Variants in GMDS observed in about 807,000 individuals in gnomAD.
GMDS encodes the protein GDP-mannose 4,6-dehydratase.
GMDS carries 20 observed loss-of-function variants against 49.9 expected under a neutral mutation model. The ratio of observed to expected loss-of-function variants is 0.40; its 90% CI spans 0.28 to 0.58. The LOEUF (loss-of-function observed/expected upper bound fraction) is 0.58, where lower values mean the gene tolerates loss of function less well. Among genes scored for constraint, GMDS ranks in the 20% least tolerant of loss-of-function variants. GMDS has a pLI of 0.42. For missense variants in GMDS, 362 were observed against 481.4 expected, an observed-to-expected ratio of 0.75 and a Z score of 2.32; for synonymous variants, 177 against 178.6, an observed-to-expected ratio of 0.99 and a Z score of 0.07.
rs1771049332 is a variant in GMDS at position 1,825,034 on chromosome 6, CCAGA to C, written c.772-82452_772-82449del. Among the ~76,000 whole-genome samples, 9 of 152,144 alleles carry C rather than the reference CCAGA, an allele frequency of 5.9e-5. 1 individual carries two copies. The highest frequency in any genetic ancestry group is 5.9e-4 in the Admixed American group (9 of 15,272). On this transcript the variant is annotated intron_variant, in intron 7 of 10. Coordinates refer to ENST00000380815, the MANE Select transcript of GMDS (RefSeq NM_001500.4). The stretch of plus-strand genomic sequence containing the variant: ...TTTTCTGAAGTCACTCTCTCTTGGG[CCAGA>C]ATTTACTGGAGGTCAAGGAGGCAAA...
intron 1 of GMDS, among the ~76,000 whole-genome samples, chr6:2,208,120 C>T (rs1779888291): frequency 6.6e-6 from 1 of 152,012 alleles, no homozygotes; most frequent in African/African-American, 2.4e-5. Context: ...CAACACACAT[C>T]ATGTAAGAGA....
chr6:1,867,422 C>T (rs1452070074), intron 7 of GMDS, among the ~76,000 whole-genome samples: 1 of 152,206 alleles, frequency 6.6e-6, no homozygotes, highest in Non-Finnish European at 1.5e-5. Flanking sequence ...AGGATGATGT[C>T]AGTCTGACAG....
chr6:1,956,952 C>A (rs538629715), intron 6 of GMDS, among the ~76,000 whole-genome samples: 218 of 152,050 alleles, frequency 1.4e-3, no homozygotes, highest in African/African-American at 5.1e-3. Context: ...CAGGCACCCA[C>A]CACCACACTC....
chr6:1,837,686 C>T (rs1354095963), intron 7 of GMDS, among the ~76,000 whole-genome samples: 1 of 152,140 alleles, frequency 6.6e-6, no homozygotes, highest in African/African-American at 2.4e-5. Context: ...GACTGACTGC[C>T]ATAGGGGCCA....
intron 1 of GMDS, among the ~76,000 whole-genome samples, chr6:2,200,998 G>A (rs952167968): frequency 7.0e-6 from 1 of 142,648 alleles, no homozygotes; most frequent in Admixed American, 7.1e-5. Flanking sequence ...ACCAATCTAG[G>A]CAGTGAGGGC....
At chr6:2,121,518 G>T (rs778088280) in intron 2 of GMDS, among the ~76,000 whole-genome samples, 1 of 152,022 alleles carries the variant, frequency 6.6e-6, no homozygotes, top group Admixed American at 6.5e-5. Flanking sequence ...CATTTCAAAC[G>T]GTTCATTCAG....
chr6:2,203,654 A>G (rs234953), intron 1 of GMDS, among the ~76,000 whole-genome samples: 101,258 of 151,978 alleles, frequency 0.67, 34,375 homozygotes, highest in East Asian at 0.92. Flanking sequence ...AGTGGTTAAC[A>G]CTACGAAAAA....
At chr6:1,824,341 G>A (rs531105434) in intron 7 of GMDS, among the ~76,000 whole-genome samples, 1 of 152,222 alleles carries the variant, frequency 6.6e-6, no homozygotes, top group East Asian at 1.9e-4. Context: ...GTGAATTCAG[G>A]TGTGCACTTC....
At chr6:1,734,534 C>G (rs935930147) in intron 8 of GMDS, among the ~76,000 whole-genome samples, 1 of 152,256 alleles carries the variant, frequency 6.6e-6, no homozygotes, top group Non-Finnish European at 1.5e-5. Context: ...AGCCAGGCTT[C>G]TGGGCTGCCC....
chr6:1,666,227 G>T (rs558200519), intron 9 of GMDS, among the ~76,000 whole-genome samples: 1 of 152,206 alleles, frequency 6.6e-6, no homozygotes, highest in South Asian at 2.1e-4. Flanking sequence ...AGAGACGGGA[G>T]TCCTGCTCTG....
intron 9 of GMDS, among the ~76,000 whole-genome samples, chr6:1,721,187 C>T (rs1481400480): frequency 1.3e-5 from 2 of 151,148 alleles, no homozygotes; most frequent in South Asian, 2.1e-4. Context: ...GAAAAGTTTG[C>T]GGGGGGTGGG....
intron 9 of GMDS, among the ~76,000 whole-genome samples, chr6:1,652,360 G>A (rs1763678747): frequency 3.3e-5 from 1 of 30,528 alleles, no homozygotes; most frequent in Non-Finnish European, 6.4e-5. Flanking sequence ...TGACAAGAGT[G>A]AAACTCCGCT....
In GMDS at chr6:2,083,955, A is replaced by C. The variant is rs1000655119; in HGVS notation, c.345+31816T>G. Among the ~76,000 whole-genome samples, 5 of 152,374 alleles carry C rather than the reference A, an allele frequency of 3.3e-5. No individual in the cohort carries two copies. The East Asian group carries it at 9.6e-4, about 29-fold the overall frequency. ...GCTAAAGCTAAAATATATAATATTTAAGTTATAATAAATCATAAATCAGTC... is the reference window on the plus strand; with the variant it reads ...GCTAAAGCTAAAATATATAATATTTCAGTTATAATAAATCATAAATCAGTC... On this transcript the variant is annotated intron_variant, in intron 4 of 10. Coordinates refer to ENST00000380815, the MANE Select transcript of GMDS (RefSeq NM_001500.4).
intron 4 of GMDS, among the ~76,000 whole-genome samples, chr6:2,083,049 G>T (rs767165259): frequency 6.6e-6 from 1 of 152,148 alleles, no homozygotes; most frequent in Non-Finnish European, 1.5e-5. Context: ...ACAGAAGCAG[G>T]TATCTGCAAA....
intron 4 of GMDS, among the ~76,000 whole-genome samples, chr6:2,002,639 C>T (rs1162428370): frequency 1.3e-5 from 2 of 152,202 alleles, no homozygotes; most frequent in Non-Finnish European, 2.9e-5. Context: ...GGCCATACAG[C>T]TCCATTTCAT....
intron 4 of GMDS, among the ~76,000 whole-genome samples, chr6:2,004,579 T>C (rs1371841124): frequency 6.6e-6 from 1 of 152,172 alleles, no homozygotes; most frequent in African/African-American, 2.4e-5. Flanking sequence ...ACAGGGGAGC[T>C]TGATACAAAG....
rs1200991392 is a variant in GMDS, at chr6:2,219,129, G to A, written c.102+26192C>T. Among the ~76,000 whole-genome samples, 4 of 152,108 alleles carry A rather than the reference G, an allele frequency of 2.6e-5. No homozygotes were observed. The East Asian group carries it at 7.7e-4, about 29-fold the overall frequency. ...AAAAAAGAAAGTAAACAGGCAACAG[G>A]TCGGTCCTCTGAGAAGAGGAAATGG... On this transcript the variant is annotated intron_variant, in intron 1 of 10. Transcript: ENST00000380815.
rs184281729 is a variant in GMDS, at chr6:1,974,864, C to T, written c.346-13898G>A. Among the ~76,000 whole-genome samples, 479 of 138,042 alleles carry T rather than the reference C, an allele frequency of 3.5e-3. 3 individuals are homozygous for T. The highest frequency in any genetic ancestry group is 0.013 in the African/African-American group (456 of 34,782). 90.6% of individuals were successfully genotyped at this position (138,042 alleles called of 152,430 possible). Reference sequence around the variant, plus strand: ...TGGCCAACATGGTGAAATCCCGTCTCTATTAAAAAAAAAAGAAAAAAAAAT... The same window carrying T: ...TGGCCAACATGGTGAAATCCCGTCTTTATTAAAAAAAAAAGAAAAAAAAAT... On this transcript the variant is annotated intron_variant, in intron 4 of 10. Coordinates refer to ENST00000380815, the MANE Select transcript of GMDS (RefSeq NM_001500.4).
chr6:1,624,615 CT>C, intron 9 of GMDS, 75 bp from the exon 10 acceptor site: 1 of 1,022,994 alleles, frequency 9.8e-7, no homozygotes, highest in Non-Finnish European at 1.5e-6. Flanking sequence ...GCCCCGGGAA[CT>C]CCCACCGTTC....
Sources: gnomAD v4.1 joint callset for allele counts (sites outside exome capture counted in the v4.1 genomes callset) on GRCh38, gnomAD v4.1.1 for gene constraint, MANE v1.5 for transcripts, NCBI Gene and HGNC (gene_info 2026-07-23, HGNC 2026-07-21) for gene names.